The following MARCHF6 variants were observed in gnomAD, a reference collection of about 807,000 sequenced individuals.
MARCHF6 encodes E3 ubiquitin-protein ligase MARCHF6.
MARCHF6 carries 31 observed loss-of-function variants against 133.7 expected under a neutral mutation model. The observed-to-expected ratio is 0.23, with a 90% CI of 0.17 to 0.31. MARCHF6 has a LOEUF of 0.31. Ranked by LOEUF, MARCHF6 falls within the 10% of genes least tolerant of loss-of-function variation. MARCHF6 has a pLI of 1.00. For missense variants in MARCHF6, 723 were observed against 1,121.6 expected (o/e 0.64, Z 5.08); for synonymous variants, 395 against 402.5 (o/e 0.98, Z 0.22).
chr5:10,376,831 G>T (rs1030846032), intron 1 of MARCHF6, among the ~76,000 whole-genome samples: 1 of 152,204 alleles, frequency 6.6e-6, no homozygotes, highest in Non-Finnish European at 1.5e-5. Context: ...AAGTGCATTA[G>T]TGATGGGGAT....
intron 1 of MARCHF6, among the ~76,000 whole-genome samples, chr5:10,373,072 AC>A (rs901193734): frequency 4.0e-5 from 6 of 151,804 alleles, no homozygotes; most frequent in African/African-American, 1.2e-4. Context: ...AAAAAAAAAA[AC>A]AAAACAACAA....
chr5:10,414,170 T>G (rs1739379205), intron 19 of MARCHF6, among the ~76,000 whole-genome samples: 1 of 148,582 alleles, frequency 6.7e-6, no homozygotes, highest in Non-Finnish European at 1.5e-5. Flanking sequence ...AAGGTGAATG[T>G]TTTTTTTTTA....
At chr5:10,403,121 A>G (rs543112821) in intron 14 of MARCHF6, among the ~76,000 whole-genome samples, 1 of 152,222 alleles carries the variant, frequency 6.6e-6, no homozygotes, top group Non-Finnish European at 1.5e-5. Flanking sequence ...CTTCTCAAGA[A>G]TGCAGACCTA....
Position 10,417,349 on chromosome 5 carries a change from T to C in MARCHF6, c.2228T>C (p.Ile743Thr), listed in dbSNP as rs2126800682. ...LLLGLLFELV[I>T]VAPLRVPLDQ... ...CTGGGGCTCCTGTTTGAGCTGGTCA[T>C]TGTGGCTCCCCTGAGGGTTCCCTTG... Residue 743 changes from isoleucine (I) to threonine (T), a missense_variant, in exon 22 of 26, where the codon ATT becomes ACT. Physicochemically the swap from Ile to Thr is moderately conservative, Grantham distance 89 (BLOSUM62 -1). This residue lies in a region of MARCHF6 where 492 missense variants were observed against 699.5 expected (regional missense o/e 0.70). Transcript: ENST00000274140. The C allele has an allele frequency of 6.2e-7, 1 of 1,614,194 alleles. No individual in the cohort carries two copies. Among genetic ancestry groups the C allele is most frequent in the Non-Finnish European group, 8.5e-7 (1 of 1,180,028 alleles).
At chr5:10,354,054 C>T in intron 1 of MARCHF6, 137 bp downstream of exon 1, 2 of 847,350 alleles carry the variant, frequency 2.4e-6, no homozygotes, top group Non-Finnish European at 3.3e-6. Flanking sequence ...CCCGCTGGGC[C>T]TCTGGGCCGG....
At chr5:10,383,383 A>G (rs1056208279) in intron 4 of MARCHF6, among the ~76,000 whole-genome samples, 2 of 152,222 alleles carry the variant, frequency 1.3e-5, no homozygotes, top group African/African-American at 4.8e-5. Context: ...GACCATGGTA[A>G]AGGAAAAGTC....
At chr5:10,403,696 T>C (rs1738690555) in intron 15 of MARCHF6, among the ~76,000 whole-genome samples, 155 bp downstream of exon 15, 1 of 152,250 alleles carries the variant, frequency 6.6e-6, no homozygotes, top group Non-Finnish European at 1.5e-5. Flanking sequence ...GGACTTTGAC[T>C]TAATTACTTT....
intron 19 of MARCHF6, among the ~76,000 whole-genome samples, chr5:10,412,730 T>C (rs1266740997): frequency 1.3e-5 from 2 of 152,158 alleles, no homozygotes; most frequent in Non-Finnish European, 2.9e-5. Context: ...TGCATGCCAC[T>C]ACACCTGGCT....
Position 10,411,385 on chromosome 5 carries a change from A to C in MARCHF6, c.1744A>C (p.Asn582His). 2.5e-6 allele frequency: 4 copies of C among 1,614,214 alleles called. No homozygotes were observed. Among genetic ancestry groups the C allele is most frequent in the Non-Finnish European group, 2.5e-6 (3 of 1,180,030 alleles). The change falls in exon 19 of 26, where the codon AAT becomes CAT. Residue 582 changes from asparagine to histidine, a missense_variant. By Grantham distance (68) the Asn-to-His change is moderately conservative. Transcript: ENST00000274140. The part of the protein sequence containing the change: ...GDQEENENSA[N>H]QQVNNNQHAR... ...CCAGGAAGAAAATGAAAACAGTGCA[A>C]ATCAACAAGTTAACAATAATCAGCA...
intron 5 of MARCHF6, among the ~76,000 whole-genome samples, chr5:10,389,435 C>T (rs1048951791): frequency 6.6e-6 from 1 of 152,116 alleles, no homozygotes; most frequent in East Asian, 1.9e-4. Flanking sequence ...TGGAGTCTCA[C>T]TCTGTACCCA....
chr5:10,397,581 T>A (rs1188266442), intron 10 of MARCHF6, among the ~76,000 whole-genome samples: 2 of 151,144 alleles, frequency 1.3e-5, no homozygotes, highest in East Asian at 1.9e-4. Flanking sequence ...ATTTCTGGGT[T>A]TTTTTTTTGT....
chr5:10,380,648 A>T (rs1737077861), intron 3 of MARCHF6, among the ~76,000 whole-genome samples: 1 of 152,172 alleles, frequency 6.6e-6, no homozygotes, highest in African/African-American at 2.4e-5. Flanking sequence ...ATTTGTGGCC[A>T]GGTGCTGTGG....
chr5:10,413,081 GTTC>G (rs1004710295), intron 19 of MARCHF6, among the ~76,000 whole-genome samples: 11 of 152,160 alleles, frequency 7.2e-5, no homozygotes, highest in Admixed American at 2.0e-4. Context: ...TCACTGAATT[GTTC>G]TTCTGCTCCT....
chr5:10,429,852 A>G (rs1350398044), intron 24 of MARCHF6, 41 bp from the exon 25 acceptor site: 1 of 1,570,294 alleles, frequency 6.4e-7, no homozygotes, highest in Non-Finnish European at 8.7e-7. Context: ...TGTCACTGTT[A>G]TTTCACATAC....
chr5:10,369,434 TCTTTC>T (rs1014984774), intron 1 of MARCHF6, among the ~76,000 whole-genome samples: 8 of 152,222 alleles, frequency 5.3e-5, no homozygotes, highest in African/African-American at 1.9e-4. Context: ...TCTTATTTGT[TCTTTC>T]TTCCCACATG....
rs576664029 is a variant in MARCHF6, at chr5:10,397,138, A to G, written c.862-155A>G. Among the ~76,000 whole-genome samples, 7 of 152,298 alleles carry G rather than the reference A, an allele frequency of 4.6e-5. 1 individual carries two copies. In the East Asian group the frequency reaches 9.6e-4, roughly 21 times the overall value. On this transcript the variant is annotated intron_variant, in intron 9 of 25. Coordinates refer to ENST00000274140, the MANE Select transcript of MARCHF6 (RefSeq NM_005885.4). The stretch of plus-strand genomic sequence containing the variant: ...CTATCTAATGAAAAATGAAAGTTAC[A>G]TATTATGTCTAGATTGAAATCCCAA...
intron 16 of MARCHF6, 63 bp from the exon 17 acceptor site, chr5:10,407,039 T>C (rs1222054834): frequency 2.3e-6 from 2 of 882,068 alleles, no homozygotes; most frequent in Non-Finnish European, 3.7e-6. Context: ...CTCAGAAGTC[T>C]GCCTGTCTTG....
At chr5:10,415,316 A>G (rs1739445866) in intron 20 of MARCHF6, among the ~76,000 whole-genome samples, 172 bp from the exon 21 acceptor site, 1 of 152,170 alleles carries the variant, frequency 6.6e-6, no homozygotes. Flanking sequence ...ATTTCATCAA[A>G]TTGTGTACTC....
intron 22 of MARCHF6, 28 bp from the exon 23 acceptor site, chr5:10,423,707 A>T (rs1300289485): frequency 6.7e-7 from 1 of 1,487,018 alleles, no homozygotes; most frequent in Non-Finnish European, 9.4e-7. Flanking sequence ...AACAACAGAA[A>T]TATGTTAAAT....
Sources: gnomAD v4.1 joint callset for allele counts (sites outside exome capture counted in the v4.1 genomes callset) on GRCh38, gnomAD v4.1.1 for gene constraint, gnomAD v4.1.1 regional missense constraint, MANE v1.5 for transcripts, NCBI Gene and HGNC (gene_info 2026-07-23, HGNC 2026-07-21) for gene names.